Variants in SPECC1L observed in about 807,000 individuals in gnomAD.
The protein encoded by SPECC1L is sperm antigen with calponin homology and coiled-coil domains 1 like.
In SPECC1L, 40 loss-of-function variants were observed where a neutral mutation model predicts 116.8. That is an observed-to-expected ratio of 0.34 (90% confidence interval 0.27 to 0.45). The LOEUF (loss-of-function observed/expected upper bound fraction) is 0.45. Ranked by LOEUF, SPECC1L falls within the 20% of genes least tolerant of loss-of-function variation. SPECC1L has a pLI of 1.00. For synonymous variants in SPECC1L, 504 were observed against 500.6 expected, an observed-to-expected ratio of 1.01 and a Z score of -0.09; for missense variants, 1,110 against 1,373.6, an observed-to-expected ratio of 0.81 and a Z score of 3.03.
chr22:24,390,860 T>C (rs1290203531), intron 14 of SPECC1L, among the ~76,000 whole-genome samples: 1 of 118,606 alleles, frequency 8.4e-6, no homozygotes, highest in East Asian at 2.5e-4. Context: ...TCCTTTTTTT[T>C]TTTTTTCTTT....
chr22:24,331,239 T>G (rs962057809), intron 8 of SPECC1L, among the ~76,000 whole-genome samples: 22 of 152,210 alleles, frequency 1.4e-4, no homozygotes, highest in Non-Finnish European at 2.6e-4. Context: ...GTTTGAGTAA[T>G]TATTAAGTGG....
intron 14 of SPECC1L, among the ~76,000 whole-genome samples, chr22:24,375,973 A>G (rs535100105): frequency 6.4e-4 from 97 of 151,940 alleles, no homozygotes; most frequent in Non-Finnish European, 1.3e-3. Context: ...AAACAAACAA[A>G]AAAAACAAAA....
chr22:24,370,449 A>G (rs2041851279), intron 14 of SPECC1L, among the ~76,000 whole-genome samples: 1 of 152,240 alleles, frequency 6.6e-6, no homozygotes, highest in Non-Finnish European at 1.5e-5. Flanking sequence ...ATGTGGAGAA[A>G]TGGGCAGGCT....
rs200930433 is a variant in SPECC1L, at chr22:24,347,134, C to T, written c.2701C>T (p.Leu901=). The T allele has an allele frequency of 3.9e-5, 63 of 1,613,910 alleles. No homozygotes were observed. Among genetic ancestry groups the T allele is most frequent in the Middle Eastern group, 3.3e-4 (2 of 6,082 alleles). The change falls in exon 11 of 17, where the codon CTG becomes TTG. Residue 901 remains leucine (L), a synonymous_variant. Transcript: ENST00000314328. ...CTCAACATCCAAACCCCTGACAGCC[C>T]TGTCAGATAAGAGACCAAACTATGG... ...PISTSKPLTA[L]SDKRPNYGEI...
At chr22:24,338,541 TCA>T (rs2041108752) in intron 10 of SPECC1L, 64 bp downstream of exon 10, 3 of 1,428,988 alleles carry the variant, frequency 2.1e-6, no homozygotes, top group Non-Finnish European at 3.0e-6. Context: ...GGCCTTTTCT[TCA>T]CAGTCATTTA....
At position 24,282,251 on chromosome 22, in the gene SPECC1L, G is replaced by A. The variant is rs553153683; in HGVS notation, c.-38+5448G>A. 3.0e-3 allele frequency among the ~76,000 whole-genome samples: 463 copies of A among 152,246 alleles called. 2 individuals carry two copies. Among genetic ancestry groups the A allele is most frequent in the Middle Eastern group, 0.014 (4 of 294 alleles). ...GTCAGAATCTTTAGCCTTCAGCTGCGTGACTCCTAAACCATAATTTCTAAT... is the reference window on the plus strand; with the variant it reads ...GTCAGAATCTTTAGCCTTCAGCTGCATGACTCCTAAACCATAATTTCTAAT... On this transcript the variant is annotated intron_variant, in intron 2 of 16. Coordinates refer to ENST00000314328, the MANE Select transcript of SPECC1L (RefSeq NM_015330.6).
At chr22:24,374,464 C>T (rs1279576170) in intron 14 of SPECC1L, among the ~76,000 whole-genome samples, 3 of 151,912 alleles carry the variant, frequency 2.0e-5, no homozygotes, top group African/African-American at 4.8e-5. Context: ...GAGTTCATGT[C>T]CTTTGTAGGG....
intron 12 of SPECC1L, among the ~76,000 whole-genome samples, chr22:24,363,859 C>A (rs1195220121): frequency 7.8e-6 from 1 of 128,536 alleles, no homozygotes; most frequent in African/African-American, 3.0e-5. Context: ...TGCAGAGTTA[C>A]ATTCTGCTTG....
At chr22:24,407,889 T>C (rs902641247) in intron 14 of SPECC1L, among the ~76,000 whole-genome samples, 2 of 152,166 alleles carry the variant, frequency 1.3e-5, no homozygotes, top group African/African-American at 4.8e-5. Flanking sequence ...CTAGACTTAC[T>C]TCACTGTGGA....
chr22:24,409,112 G>C (rs1348702729), intron 14 of SPECC1L, among the ~76,000 whole-genome samples: 1 of 152,172 alleles, frequency 6.6e-6, no homozygotes, highest in African/African-American at 2.4e-5. Context: ...AAAGTGCTTT[G>C]TAAACTTTGT....
chr22:24,272,548 T>C (rs900504996), intron 1 of SPECC1L, among the ~76,000 whole-genome samples: 36 of 151,900 alleles, frequency 2.4e-4, no homozygotes, highest in African/African-American at 8.4e-4. Flanking sequence ...TGGCACACGC[T>C]TGTGATCCCA....
chr22:24,272,674 A>T (rs967689373), intron 1 of SPECC1L, among the ~76,000 whole-genome samples: 1 of 152,068 alleles, frequency 6.6e-6, no homozygotes, highest in Non-Finnish European at 1.5e-5. Context: ...CTCAAAAAAA[A>T]AAAAAAACAG....
intron 13 of SPECC1L, among the ~76,000 whole-genome samples, chr22:24,366,822 G>C (rs1452310987): frequency 6.6e-6 from 1 of 152,112 alleles, no homozygotes; most frequent in East Asian, 1.9e-4. Context: ...TTAAGAACTT[G>C]GGGGAAAAAC....
rs1220359703 is a variant in SPECC1L at position 24,330,401 on chromosome 22, C to T, written c.2366C>T (p.Thr789Ile). The change falls in exon 8 of 17, where the codon ACA becomes ATA. Residue 789 changes from threonine (T) to isoleucine (I), a missense_variant. Transcript: ENST00000314328. The stretch of plus-strand genomic sequence containing the variant: ...GCTCAAGAAAAAAATGAGAAACTCA[C>T]AAAAGAATTGGAGGAAATAAAGTCA... ...HEAQEKNEKLTKELEEIKSRK... is the reference protein window; with the variant it reads ...HEAQEKNEKLIKELEEIKSRK... 2 of 1,614,050 alleles carry T rather than the reference C, an allele frequency of 1.2e-6. No individual in the cohort carries two copies. Among genetic ancestry groups the T allele is most frequent in the Non-Finnish European group, 1.7e-6 (2 of 1,180,014 alleles).
intron 11 of SPECC1L, among the ~76,000 whole-genome samples, chr22:24,358,555 A>G (rs2041578894): frequency 6.6e-6 from 1 of 152,214 alleles, no homozygotes; most frequent in Non-Finnish European, 1.5e-5. Flanking sequence ...TCTTTGGAGC[A>G]TGAGTACTTG....
At chr22:24,318,451 A>G (rs2040649540) in intron 4 of SPECC1L, among the ~76,000 whole-genome samples, 1 of 152,216 alleles carries the variant, frequency 6.6e-6, no homozygotes, top group African/African-American at 2.4e-5. Context: ...GGGAGGTTGC[A>G]GTGAGCCGAG....
At chr22:24,369,422 C>A in intron 14 of SPECC1L, 102 bp downstream of exon 14, 1 of 861,052 alleles carries the variant, frequency 1.2e-6, no homozygotes, top group East Asian at 2.5e-5. Context: ...TAAGTCCTGA[C>A]CTGGCATGGT....
chr22:24,308,617 G>A (rs1168635089), intron 3 of SPECC1L, among the ~76,000 whole-genome samples: 1 of 152,042 alleles, frequency 6.6e-6, no homozygotes, highest in Non-Finnish European at 1.5e-5. Flanking sequence ...TAAGTAGCTT[G>A]TCAGAGATAC....
chr22:24,363,811 T>G (rs1285760048), intron 12 of SPECC1L, among the ~76,000 whole-genome samples: 1 of 151,824 alleles, frequency 6.6e-6, no homozygotes, highest in Non-Finnish European at 1.5e-5. Context: ...GAGAAAATAT[T>G]TGTGCCCTCT....
Sources: allele counts gnomAD v4.1 joint callset (sites outside exome capture counted in the v4.1 genomes callset), GRCh38; gene constraint gnomAD v4.1.1; transcripts MANE v1.5; gene names NCBI Gene and HGNC (gene_info 2026-07-23, HGNC 2026-07-21).